The following LRRC4C variants were observed in gnomAD, a reference collection of about 807,000 sequenced individuals.
LRRC4C encodes leucine rich repeat containing 4C.
LRRC4C carries 5 observed loss-of-function variants against 33.6 expected under a neutral mutation model. The ratio of observed to expected loss-of-function variants is 0.15; its 90% CI spans 0.08 to 0.31. The LOEUF (loss-of-function observed/expected upper bound fraction) is 0.31, where lower values mean the gene tolerates loss of function less well. Ranked by LOEUF, LRRC4C falls within the 10% of genes least tolerant of loss-of-function variation. LRRC4C has a pLI of 1.00. For synonymous variants in LRRC4C, 329 were observed against 302.0 expected (o/e 1.09, Z -0.93); for missense variants, 560 against 796.7 (o/e 0.70, Z 3.58).
intron 1 of LRRC4C, among the ~76,000 whole-genome samples, chr11:41,306,872 G>A (rs920977931): frequency 2.0e-5 from 3 of 152,030 alleles, no homozygotes; most frequent in Non-Finnish European, 4.4e-5. Context: ...GGCTTTCTTC[G>A]AAAAATTAAG....
chr11:41,215,972 G>A (rs77822527), intron 1 of LRRC4C, among the ~76,000 whole-genome samples: 4,989 of 152,246 alleles, frequency 0.033, 106 homozygotes, highest in South Asian at 0.052. Flanking sequence ...AGCCTACCTC[G>A]TATGCAGTTG....
At chr11:40,198,867 C>T (rs1862478556) in intron 5 of LRRC4C, among the ~76,000 whole-genome samples, 1 of 152,124 alleles carries the variant, frequency 6.6e-6, no homozygotes, top group Non-Finnish European at 1.5e-5. Flanking sequence ...AAATGTAAAC[C>T]ATGTGGAAGA....
chr11:40,556,608 A>G (rs936067604), intron 3 of LRRC4C, among the ~76,000 whole-genome samples: 1 of 152,164 alleles, frequency 6.6e-6, no homozygotes, highest in Admixed American at 6.5e-5. Flanking sequence ...CTGGCTCTCC[A>G]TGTAGCTGGG....
chr11:40,479,102 C>T (rs1019244880), intron 3 of LRRC4C, among the ~76,000 whole-genome samples: 4 of 151,988 alleles, frequency 2.6e-5, no homozygotes, highest in African/African-American at 7.2e-5. Flanking sequence ...TTAATAATTA[C>T]AAGCAGCAAA....
intron 3 of LRRC4C, among the ~76,000 whole-genome samples, chr11:40,599,321 T>G (rs1959725239): frequency 6.6e-6 from 1 of 151,924 alleles, no homozygotes; most frequent in Non-Finnish European, 1.5e-5. Flanking sequence ...TTTCGTGGCA[T>G]GCATCTGTAG....
At chr11:40,579,874 C>A (rs1170808486) in intron 3 of LRRC4C, among the ~76,000 whole-genome samples, 2 of 152,082 alleles carry the variant, frequency 1.3e-5, no homozygotes, top group East Asian at 3.9e-4. Flanking sequence ...CACTTCAATC[C>A]CCATCTCCTG....
intron 1 of LRRC4C, among the ~76,000 whole-genome samples, chr11:41,123,855 T>C (rs886195639): frequency 6.6e-6 from 1 of 152,216 alleles, no homozygotes; most frequent in African/African-American, 2.4e-5. Flanking sequence ...GTAAACTCTT[T>C]TCCTGCTAAT....
At chr11:40,441,461 C>T (rs1040838265) in intron 3 of LRRC4C, among the ~76,000 whole-genome samples, 5 of 152,148 alleles carry the variant, frequency 3.3e-5, no homozygotes, top group African/African-American at 1.2e-4. Flanking sequence ...TCTCTAGCTA[C>T]TTTTTTTGTG....
chr11:40,215,290 G>C (rs1327250416), intron 5 of LRRC4C, among the ~76,000 whole-genome samples: 1 of 152,132 alleles, frequency 6.6e-6, no homozygotes, highest in Non-Finnish European at 1.5e-5. Flanking sequence ...GCTGCTGAGA[G>C]GTACTAAGCT....
At chr11:40,918,664 C>A (rs1311428157) in intron 2 of LRRC4C, among the ~76,000 whole-genome samples, 1 of 152,082 alleles carries the variant, frequency 6.6e-6, no homozygotes, top group African/African-American at 2.4e-5. Context: ...GCAGGTTTGT[C>A]ACTTTATCAG....
intron 1 of LRRC4C, among the ~76,000 whole-genome samples, chr11:41,046,744 A>G (rs771024504): frequency 2.6e-5 from 4 of 152,158 alleles, no homozygotes; most frequent in East Asian, 1.9e-4. Flanking sequence ...GATCAGTAGC[A>G]CTCATGAATA....
chr11:40,149,961 T>G (rs1335589534), intron 5 of LRRC4C, among the ~76,000 whole-genome samples: 1 of 152,122 alleles, frequency 6.6e-6, no homozygotes, highest in Non-Finnish European at 1.5e-5. Flanking sequence ...ACAACAGAAA[T>G]GTATCCTTCT....
intron 3 of LRRC4C, among the ~76,000 whole-genome samples, chr11:40,368,237 T>A (rs76554107): frequency 6.6e-6 from 1 of 152,106 alleles, no homozygotes; most frequent in Non-Finnish European, 1.5e-5. Flanking sequence ...GGCGATACAA[T>A]ATACTTTGGG....
At chr11:41,188,634 G>A (rs1348207006) in intron 1 of LRRC4C, among the ~76,000 whole-genome samples, 2 of 147,376 alleles carry the variant, frequency 1.4e-5, no homozygotes, top group African/African-American at 5.0e-5. Context: ...ATGTGGTACT[G>A]TTTGATCAAT....
At position 41,315,704 on chromosome 11, in the gene LRRC4C, T is replaced by G. The variant is rs114543547; in HGVS notation, c.-496+143727A>C. On this transcript the variant is annotated intron_variant, in intron 1 of 6. Coordinates refer to ENST00000528697, the MANE Select transcript of LRRC4C (RefSeq NM_001258419.2). ...CATAGAAACTATAAGGGAATGAATG[T>G]TTATGATTGTAGTTTTAAATCACTA... 4.2e-3 allele frequency among the ~76,000 whole-genome samples: 636 copies of G among 152,336 alleles called. 3 individuals are homozygous for G. The highest frequency in any genetic ancestry group is 0.013 in the African/African-American group (547 of 41,582).
At chr11:40,181,088 C>A (rs1024947964) in intron 5 of LRRC4C, among the ~76,000 whole-genome samples, 2 of 152,170 alleles carry the variant, frequency 1.3e-5, no homozygotes, top group Non-Finnish European at 2.9e-5. Flanking sequence ...GGTCAGCCTG[C>A]AAAACATTCT....
chr11:40,479,477 G>C (rs1352099877), intron 3 of LRRC4C, among the ~76,000 whole-genome samples: 1 of 152,108 alleles, frequency 6.6e-6, no homozygotes, highest in African/African-American at 2.4e-5. Context: ...TTTGAGAGCA[G>C]TGAAGAACCG....
chr11:40,333,794 A>G (rs948087293), intron 3 of LRRC4C, among the ~76,000 whole-genome samples: 10 of 151,828 alleles, frequency 6.6e-5, no homozygotes, highest in African/African-American at 1.7e-4. Context: ...ACAGTTTCCA[A>G]TGAGTATGAT....
chr11:40,309,634 T>C (rs1288837842), intron 4 of LRRC4C, among the ~76,000 whole-genome samples: 1 of 151,842 alleles, frequency 6.6e-6, no homozygotes, highest in Non-Finnish European at 1.5e-5. Context: ...ACCTCCCAAG[T>C]AGCAGGGACT....
Sources: gnomAD v4.1 joint callset for allele counts (sites outside exome capture counted in the v4.1 genomes callset) on GRCh38, gnomAD v4.1.1 for gene constraint, MANE v1.5 for transcripts, NCBI Gene and HGNC (gene_info 2026-07-23, HGNC 2026-07-21) for gene names.